The following PSD3 variants were observed in gnomAD, a reference collection of about 807,000 sequenced individuals.
PSD3 encodes PH and SEC7 domain-containing protein 3.
A neutral mutation model predicts 105.5 loss-of-function variants in PSD3; 49 were observed. The observed-to-expected ratio is 0.46, with a 90% CI of 0.37 to 0.59. The LOEUF (loss-of-function observed/expected upper bound fraction) is 0.59, where lower values mean the gene tolerates loss of function less well. Among genes scored for constraint, PSD3 ranks in the 20% least tolerant of loss-of-function variants. PSD3 has a pLI of 0.00. For missense variants in PSD3, 1,561 were observed against 1,263.8 expected, an observed-to-expected ratio of 1.24 and a Z score of -3.57; for synonymous variants, 557 against 457.8, an observed-to-expected ratio of 1.22 and a Z score of -2.77.
At chr8:18,860,485 A>T (rs1816356947) in intron 4 of PSD3, among the ~76,000 whole-genome samples, 2 of 152,172 alleles carry the variant, frequency 1.3e-5, no homozygotes, top group South Asian at 4.1e-4. Context: ...GTATCTTCAA[A>T]GAGCAATAAA....
chr8:18,694,804 T>C (rs1184818692), intron 9 of PSD3, among the ~76,000 whole-genome samples: 1 of 139,770 alleles, frequency 7.2e-6, no homozygotes, highest in Non-Finnish European at 1.6e-5. Flanking sequence ...GGCAACATAG[T>C]GAAACCCTAT....
chr8:18,902,768 T>A (rs547222926), intron 2 of PSD3, among the ~76,000 whole-genome samples: 5 of 152,358 alleles, frequency 3.3e-5, no homozygotes, highest in East Asian at 3.9e-4. Context: ...AGACTCTTCA[T>A]CTGCATTCAA....
intron 8 of PSD3, among the ~76,000 whole-genome samples, chr8:18,775,810 T>C (rs1309836714): frequency 6.6e-6 from 1 of 152,200 alleles, no homozygotes; most frequent in Non-Finnish European, 1.5e-5. Flanking sequence ...TTTCCTTTAC[T>C]GGGCAGAAGG....
intron 14 of PSD3, among the ~76,000 whole-genome samples, chr8:18,564,628 C>CA (rs59766811): frequency 0.032 from 3,630 of 112,284 alleles, 62 homozygotes; most frequent in Non-Finnish European, 0.039. Flanking sequence ...GACCTTGTCT[C>CA]AAAAAAAAAA....
intron 1 of PSD3, among the ~76,000 whole-genome samples, chr8:19,024,339 A>T (rs1260588632): frequency 6.6e-6 from 1 of 152,206 alleles, no homozygotes; most frequent in Non-Finnish European, 1.5e-5. Context: ...CCAAGAGGAC[A>T]GCAGGGCTTA....
chr8:18,915,035 A>C (rs1298735097), intron 2 of PSD3, among the ~76,000 whole-genome samples: 3 of 152,208 alleles, frequency 2.0e-5, no homozygotes, highest in African/African-American at 7.2e-5. Context: ...GAAGCCCATA[A>C]ATAAAGCCTT....
intron 4 of PSD3, among the ~76,000 whole-genome samples, chr8:18,808,013 C>T (rs1487753): frequency 0.27 from 40,414 of 152,116 alleles, 5,600 homozygotes; most frequent in South Asian, 0.36. Context: ...CATCAGGAAA[C>T]TGAATAATCA....
At chr8:18,918,958 C>T (rs764182318) in intron 2 of PSD3, among the ~76,000 whole-genome samples, 4 of 151,916 alleles carry the variant, frequency 2.6e-5, no homozygotes, top group South Asian at 2.1e-4. Context: ...GGCTAAAGAC[C>T]GCCCTGAAAC....
chr8:18,784,806 T>C (rs1808973972), intron 8 of PSD3, among the ~76,000 whole-genome samples: 1 of 152,216 alleles, frequency 6.6e-6, no homozygotes, highest in South Asian at 2.1e-4. Flanking sequence ...ATAGATGTAC[T>C]TGCCAACCTC....
At chr8:18,702,559 G>C (rs1203167910) in intron 9 of PSD3, among the ~76,000 whole-genome samples, 1 of 151,964 alleles carries the variant, frequency 6.6e-6, no homozygotes, top group Non-Finnish European at 1.5e-5. Flanking sequence ...ATTTATCTTT[G>C]GTTTGTGGTG....
chr8:18,960,155 G>C (rs1479975522), intron 1 of PSD3, among the ~76,000 whole-genome samples: 9 of 152,202 alleles, frequency 5.9e-5, no homozygotes, highest in African/African-American at 2.2e-4. Flanking sequence ...GAAAAACCGA[G>C]TCCCTGTCTA....
intron 1 of PSD3, among the ~76,000 whole-genome samples, chr8:18,954,993 C>T (rs1441206827): frequency 2.6e-5 from 4 of 152,190 alleles, no homozygotes; most frequent in Non-Finnish European, 5.9e-5. Context: ...ACGAGGGAGT[C>T]AAATAAGCAG....
rs895297821 is a variant in PSD3, at chr8:18,804,891, C to A, written c.1642G>T (p.Gly548Trp). The A allele has an allele frequency of 2.5e-6, 4 of 1,602,688 alleles. No individual in the cohort carries two copies. Among genetic ancestry groups the A allele is most frequent in the Middle Eastern group, 3.3e-4 (2 of 6,020 alleles). ...PEIAFWGSNA[G>W]VKTTRLEAHS... ...GCTTCTAGCCGTGTTGTTTTCACCCCAGCATTGCTATGATAATTGATAAAG... is the reference window on the plus strand; with the variant it reads ...GCTTCTAGCCGTGTTGTTTTCACCCAAGCATTGCTATGATAATTGATAAAG... The change falls in exon 5 of 16, where the codon GGG becomes TGG. Residue 548 changes from glycine (G) to tryptophan (W), a missense_variant. Coordinates refer to ENST00000327040, the MANE Select transcript of PSD3 (RefSeq NM_015310.4).
At chr8:19,031,348 C>T (rs1238142604) in intron 1 of PSD3, among the ~76,000 whole-genome samples, 8 of 152,218 alleles carry the variant, frequency 5.3e-5, no homozygotes, top group South Asian at 4.2e-4. Flanking sequence ...ATTTATTATA[C>T]GTTTGAAAGC....
In PSD3 at chr8:18,667,056, G is replaced by A. The variant is rs142080193; in HGVS notation, c.2173-11371C>T. ...TCGTGGTCTCGCTGGCTTCAGGAGTGAAGCTGCAGACCTTTGTGTTGAGTG... is the reference window on the plus strand; with the variant it reads ...TCGTGGTCTCGCTGGCTTCAGGAGTAAAGCTGCAGACCTTTGTGTTGAGTG... On this transcript the variant is annotated intron_variant, in intron 9 of 15. Transcript: ENST00000327040. 3.3e-5 allele frequency among the ~76,000 whole-genome samples: 5 copies of A among 152,288 alleles called. No individual in the cohort carries two copies. In the East Asian group the frequency reaches 5.8e-4, roughly 18 times the overall value.
At chr8:18,792,708 C>T (rs147609793) in intron 8 of PSD3, among the ~76,000 whole-genome samples, 2 of 151,990 alleles carry the variant, frequency 1.3e-5, no homozygotes, top group Non-Finnish European at 2.9e-5. Flanking sequence ...AGAAATAGGA[C>T]CACTTTTACA....
intron 1 of PSD3, among the ~76,000 whole-genome samples, chr8:19,059,223 G>C (rs908004770): frequency 1.3e-5 from 2 of 152,206 alleles, no homozygotes; most frequent in African/African-American, 4.8e-5. Flanking sequence ...CACAGTGCCA[G>C]GAATCAAACC....
chr8:18,882,111 G>C (rs1213120663), intron 2 of PSD3, among the ~76,000 whole-genome samples: 2 of 152,112 alleles, frequency 1.3e-5, no homozygotes, highest in African/African-American at 4.8e-5. Context: ...GGGAGGCTGA[G>C]GTGAGAGGAC....
intron 9 of PSD3, among the ~76,000 whole-genome samples, chr8:18,667,006 T>TG (rs1175122460): frequency 6.6e-6 from 1 of 152,120 alleles, no homozygotes; most frequent in Non-Finnish European, 1.5e-5. Flanking sequence ...CTGGATGTGT[T>TG]GGGAGTTTTT....
Sources: gnomAD v4.1 joint callset for allele counts (sites outside exome capture counted in the v4.1 genomes callset) on GRCh38, gnomAD v4.1.1 for gene constraint, MANE v1.5 for transcripts, NCBI Gene and HGNC (gene_info 2026-07-23, HGNC 2026-07-21) for gene names.